Variants in CAPN8 observed in about 807,000 individuals in gnomAD.
The protein encoded by CAPN8 is calpain-8.
Under a neutral mutation model 80.9 loss-of-function variants are expected in CAPN8, and 87 were observed. The observed-to-expected ratio is 1.07, with a 90% CI of 0.90 to 1.28. The LOEUF is 1.28. Ranked by LOEUF, CAPN8 falls within the 50% of genes most tolerant of loss-of-function variation. CAPN8 has a pLI of 0.00. For synonymous variants in CAPN8, 299 were observed against 273.8 expected, an observed-to-expected ratio of 1.09 and a Z score of -0.91; for missense variants, 757 against 702.0, an observed-to-expected ratio of 1.08 and a Z score of -0.89.
intron 2 of CAPN8, among the ~76,000 whole-genome samples, chr1:223,630,469 T>A (rs559727318): frequency 2.0e-5 from 3 of 151,770 alleles, no homozygotes; most frequent in Non-Finnish European, 4.4e-5. Flanking sequence ...CCTGAGTCAC[T>A]AGAACTACAG....
chr1:223,630,696 T>C (rs1485828564), intron 2 of CAPN8, among the ~76,000 whole-genome samples: 1 of 152,120 alleles, frequency 6.6e-6, no homozygotes, highest in African/African-American at 2.4e-5. Flanking sequence ...CCTCACTCTC[T>C]CACCAGGCTC....
intron 14 of CAPN8, 38 bp from the exon 15 acceptor site, chr1:223,551,055 C>A (rs1475154547): frequency 1.5e-5 from 11 of 716,008 alleles, no homozygotes; most frequent in Non-Finnish European, 2.1e-5. Context: ...ATGTCAGGCC[C>A]TGACAAGTTG....
chr1:223,630,634 C>T lies in CAPN8; in HGVS notation c.308-1854G>A, dbSNP rs139919683. Among the ~76,000 whole-genome samples the T allele has an allele frequency of 2.4e-3, 365 of 152,272 alleles. 3 individuals are homozygous for T. The highest frequency in any genetic ancestry group is 8.4e-3 in the African/African-American group (350 of 41,546). ...TACAGGTGTAAGCCACCATGCCTGG[C>T]CATATTACTTTTTGAAGAGCTTTTC... On this transcript the variant is annotated intron_variant, in intron 2 of 20. Transcript: ENST00000366872.
At chr1:223,554,067 G>A (rs1419635266) in intron 13 of CAPN8, among the ~76,000 whole-genome samples, 167 bp from the exon 14 acceptor site, 1 of 152,190 alleles carries the variant, frequency 6.6e-6, no homozygotes, top group African/African-American at 2.4e-5. Flanking sequence ...GACAGCAAAG[G>A]TCCTGGCCCC....
intron 2 of CAPN8, among the ~76,000 whole-genome samples, chr1:223,629,673 T>C (rs983934279): frequency 1.3e-5 from 2 of 152,330 alleles, no homozygotes; most frequent in South Asian, 2.1e-4. Context: ...TTTGCTCACC[T>C]CTACTTATTT....
chr1:223,639,747 T>G (rs1311647712), intron 2 of CAPN8, among the ~76,000 whole-genome samples: 1 of 152,266 alleles, frequency 6.6e-6, no homozygotes, highest in Non-Finnish European at 1.5e-5. Context: ...CTAAAGTTTT[T>G]CCTTTAACAT....
chr1:223,631,245 G>A (rs1481382402), intron 2 of CAPN8, among the ~76,000 whole-genome samples: 1 of 152,022 alleles, frequency 6.6e-6, no homozygotes, highest in African/African-American at 2.4e-5. Context: ...CCTCCAGCCA[G>A]AAGTCACCGC....
At chr1:223,549,214 C>G in intron 16 of CAPN8, 104 bp downstream of exon 16, 2 of 1,445,692 alleles carry the variant, frequency 1.4e-6, no homozygotes, top group Non-Finnish European at 1.9e-6. Flanking sequence ...CTCTCCCCTT[C>G]TCATTTTTTA....
intron 16 of CAPN8, among the ~76,000 whole-genome samples, chr1:223,546,451 A>G (rs548905365): frequency 2.3e-4 from 35 of 152,298 alleles, no homozygotes; most frequent in Non-Finnish European, 4.1e-4. Flanking sequence ...CCAAACAAAA[A>G]GTCCTGTAAG....
chr1:223,615,832 G>A (rs943402172), intron 10 of CAPN8, 138 bp downstream of exon 10: 3 of 1,004,340 alleles, frequency 3.0e-6, no homozygotes, highest in Non-Finnish European at 3.0e-6. Flanking sequence ...GCCACTGGGA[G>A]AGGTATATAG....
intron 10 of CAPN8, among the ~76,000 whole-genome samples, chr1:223,613,234 G>C (rs549907179): frequency 6.6e-6 from 1 of 152,210 alleles, no homozygotes; most frequent in African/African-American, 2.4e-5. Context: ...GTATCAGCTG[G>C]CATGCTCACT....
intron 2 of CAPN8, among the ~76,000 whole-genome samples, chr1:223,648,880 G>A (rs1658266778): frequency 6.6e-6 from 1 of 152,140 alleles, no homozygotes; most frequent in South Asian, 2.1e-4. Flanking sequence ...GTGAAAAATA[G>A]ATGGGGAAGG....
At chr1:223,643,042 T>C in intron 2 of CAPN8, among the ~76,000 whole-genome samples, 1 of 152,236 alleles carries the variant, frequency 6.6e-6, no homozygotes, top group East Asian at 1.9e-4. Context: ...CAGAGCGTGT[T>C]TCAAGGGAAA....
rs745366195 is a variant in CAPN8 at position 223,618,274 on chromosome 1, G to T, written c.1135+1019C>A. 62 of 1,550,400 alleles carry T rather than the reference G, an allele frequency of 4.0e-5. No homozygotes were observed. In the African/African-American group the frequency reaches 8.2e-4, roughly 21 times the overall value. On this transcript the variant is annotated intron_variant, in intron 9 of 20. Transcript: ENST00000366872. ...GTGCTGCCTCAGCTGATTCAACCTA[G>T]GAGGAGCCTACACAGGGACACATTA...
chr1:223,650,732 T>C (rs1198627977), intron 2 of CAPN8, among the ~76,000 whole-genome samples: 1 of 152,110 alleles, frequency 6.6e-6, no homozygotes, highest in African/African-American at 2.4e-5. Context: ...ATAATCCTTT[T>C]CCTTAAGCTA....
rs767766278 is a variant in CAPN8 at position 223,628,800 on chromosome 1, A to T, written c.308-20T>A. On this transcript the variant is annotated intron_variant, in intron 2 of 20. Transcript: ENST00000366872. The stretch of plus-strand genomic sequence containing the variant: ...AGTCACCTGCACAGTGTCACAGGGG[A>T]CACAGATTGGTCAGGCCCAGCCTGC... 1.1e-5 allele frequency: 17 copies of T among 1,545,860 alleles called. No individual in the cohort carries two copies. The highest frequency in any genetic ancestry group is 1.3e-5 in the Non-Finnish European group (15 of 1,141,846).
At chr1:223,662,249 A>C (rs1339383604) in intron 1 of CAPN8, among the ~76,000 whole-genome samples, 1 of 152,132 alleles carries the variant, frequency 6.6e-6, no homozygotes, top group Non-Finnish European at 1.5e-5. Context: ...GGAGTTCCAG[A>C]CCATCCTGGC....
At chr1:223,626,924 C>G in intron 5 of CAPN8, 65 bp downstream of exon 5, 1 of 1,507,924 alleles carries the variant, frequency 6.6e-7, no homozygotes, top group Non-Finnish European at 9.0e-7. Flanking sequence ...TGTCTCATCC[C>G]TTCCCTACCA....
chr1:223,628,824 G>A, intron 2 of CAPN8, 44 bp from the exon 3 acceptor site: 1 of 1,465,938 alleles, frequency 6.8e-7, no homozygotes, highest in Non-Finnish European at 9.3e-7. Flanking sequence ...GGCCCAGCCT[G>A]CAGGGGCCCT....
Sources: gnomAD v4.1 joint callset for allele counts (sites outside exome capture counted in the v4.1 genomes callset) on GRCh38, gnomAD v4.1.1 for gene constraint, MANE v1.5 for transcripts, NCBI Gene and HGNC (gene_info 2026-07-23, HGNC 2026-07-21) for gene names.